The following MBNL2 variants were observed in gnomAD, a reference collection of about 807,000 sequenced individuals.
MBNL2 encodes muscleblind-like protein 2.
In MBNL2, 17 loss-of-function variants were observed where a neutral mutation model predicts 41.9. The ratio of observed to expected loss-of-function variants is 0.41; its 90% CI spans 0.28 to 0.61. MBNL2 has a LOEUF of 0.61. Ranked by LOEUF, MBNL2 falls within the 20% of genes least tolerant of loss-of-function variation. The pLI is 0.35. For missense variants in MBNL2, 336 were observed against 505.6 expected (o/e 0.66, Z 3.22); for synonymous variants, 195 against 182.9 (o/e 1.07, Z -0.53).
chr13:97,237,107 T>C (rs2043420711), intron 1 of MBNL2, among the ~76,000 whole-genome samples: 2 of 152,228 alleles, frequency 1.3e-5, no homozygotes, highest in Non-Finnish European at 2.9e-5. Flanking sequence ...ATGGCAGGAA[T>C]GCAGTTTGTG....
At chr13:97,205,182 T>TA in the MBNL2 span, among the ~76,000 whole-genome samples, 2 of 133,184 alleles carry the variant, frequency 1.5e-5, no homozygotes, top group African/African-American at 5.7e-5. Flanking sequence ...AAAAAAAAAA[T>TA]TATATATATA....
the MBNL2 span, chr13:97,172,444 C>T: frequency 2.6e-5 from 4 of 152,098 alleles, no homozygotes; most frequent in African/African-American, 7.2e-5. Flanking sequence ...GGAAGAGCAC[C>T]CATAAATCCA....
intron 2 of MBNL2, among the ~76,000 whole-genome samples, chr13:97,280,510 T>A (rs2053157055): frequency 1.3e-5 from 2 of 152,188 alleles, no homozygotes; most frequent in Admixed American, 1.3e-4. Flanking sequence ...TAATAAAAAT[T>A]CATTTCAAGT....
chr13:97,273,886 C>A (rs545815536), intron 1 of MBNL2, among the ~76,000 whole-genome samples: 120 of 152,098 alleles, frequency 7.9e-4, no homozygotes, highest in African/African-American at 2.7e-3. Context: ...GATGGTGAAA[C>A]CCCACCTCTA....
At chr13:97,273,885 A>AC (rs1469309444) in intron 1 of MBNL2, among the ~76,000 whole-genome samples, 4 of 151,914 alleles carry the variant, frequency 2.6e-5, no homozygotes, top group Non-Finnish European at 4.4e-5. Flanking sequence ...AGATGGTGAA[A>AC]CCCCACCTCT....
chr13:97,310,652 A>G (rs1295011815), intron 2 of MBNL2, among the ~76,000 whole-genome samples: 1 of 151,846 alleles, frequency 6.6e-6, no homozygotes, highest in Non-Finnish European at 1.5e-5. Flanking sequence ...GATGGCCTCC[A>G]TCTCCTGACC....
rs138102489 is a variant in MBNL2 at position 97,330,661 on chromosome 13, G to A, written c.175-3615G>A. Among the ~76,000 whole-genome samples the A allele has an allele frequency of 2.0e-5, 3 of 152,302 alleles. No individual in the cohort carries two copies. In the East Asian group the frequency reaches 5.8e-4, roughly 29 times the overall value. Reference sequence around the variant, plus strand: ...GCTTTACGCTTCTGCACACTGCCCTGTACCATTTGGCTATGACAAGTTGCT... The same window carrying A: ...GCTTTACGCTTCTGCACACTGCCCTATACCATTTGGCTATGACAAGTTGCT... On this transcript the variant is annotated intron_variant, in intron 2 of 8. Transcript: ENST00000679496.
upstream of MBNL2, among the ~76,000 whole-genome samples, chr13:97,217,499 T>C (rs1202607673): frequency 6.6e-6 from 1 of 152,170 alleles, no homozygotes; most frequent in African/African-American, 2.4e-5. Context: ...GAGGAGGTGA[T>C]GTGTACATTG....
intron 2 of MBNL2, among the ~76,000 whole-genome samples, chr13:97,304,966 T>C (rs900764546): frequency 3.9e-5 from 6 of 152,192 alleles, no homozygotes; most frequent in Non-Finnish European, 8.8e-5. Flanking sequence ...ATATTGACCT[T>C]CTACATGAGG....
At chr13:97,203,359 G>T in the MBNL2 span, among the ~76,000 whole-genome samples, 2 of 152,062 alleles carry the variant, frequency 1.3e-5, no homozygotes, top group Non-Finnish European at 2.9e-5. Context: ...GAATAGAGGC[G>T]CAAGTCTTTA....
intron 2 of MBNL2, among the ~76,000 whole-genome samples, chr13:97,290,040 C>T (rs2055499773): frequency 6.6e-6 from 1 of 152,164 alleles, no homozygotes; most frequent in Non-Finnish European, 1.5e-5. Flanking sequence ...ATTTTCTCTG[C>T]ATTACTTCCA....
chr13:97,304,546 T>G (rs2057941867), intron 2 of MBNL2, among the ~76,000 whole-genome samples: 1 of 152,202 alleles, frequency 6.6e-6, no homozygotes, highest in African/African-American at 2.4e-5. Context: ...AAGTGAAGGA[T>G]TTCATAGTGG....
At chr13:97,340,223 G>A (rs559121697) in intron 3 of MBNL2, among the ~76,000 whole-genome samples, 3 of 152,224 alleles carry the variant, frequency 2.0e-5, no homozygotes, top group South Asian at 2.1e-4. Context: ...GCAAATCACC[G>A]TAACTGTATT....
chr13:97,349,096 T>G (rs1212049218), intron 5 of MBNL2, among the ~76,000 whole-genome samples: 1 of 152,236 alleles, frequency 6.6e-6, no homozygotes, highest in Admixed American at 6.5e-5. Context: ...CCCTTTAGTG[T>G]CCTTTCCTCT....
At position 97,360,464 on chromosome 13, in the gene MBNL2, T is replaced by G. The variant is rs1414141948; in HGVS notation, c.1012+2829T>G. On this transcript the variant is annotated intron_variant, in intron 7 of 8. Coordinates refer to ENST00000679496, the MANE Select transcript of MBNL2 (RefSeq NM_001382683.1). ...TTATTTTAACCAAGTAGTTAGACTT[T>G]TTCTTTTCTATGTTAGGAAAGTGGC... Among the ~76,000 whole-genome samples, 3 of 152,332 alleles carry G rather than the reference T, an allele frequency of 2.0e-5. No homozygotes were observed. The East Asian group carries it at 5.8e-4, about 29-fold the overall frequency.
In MBNL2 at chr13:97,347,074, G is replaced by A; in HGVS notation, c.804+7G>A. ...GGCCGCGGCCACAGTCATGGTAAGTGCGGCCGCCCGCCGCCCCTGCACCCC... is the reference window on the plus strand; with the variant it reads ...GGCCGCGGCCACAGTCATGGTAAGTACGGCCGCCCGCCGCCCCTGCACCCC... On this transcript the variant is annotated splice_region_variant and intron_variant, in intron 5 of 8. Coordinates refer to ENST00000679496, the MANE Select transcript of MBNL2 (RefSeq NM_001382683.1). The A allele has an allele frequency of 6.5e-7, 1 of 1,539,218 alleles. No individual in the cohort carries two copies. The highest frequency in any genetic ancestry group is 2.0e-5 in the Admixed American group (1 of 49,734).
chr13:97,327,348 C>T (rs1461380607), intron 2 of MBNL2, among the ~76,000 whole-genome samples: 1 of 151,946 alleles, frequency 6.6e-6, no homozygotes, highest in Non-Finnish European at 1.5e-5. Context: ...TTTACTGTAA[C>T]TGTTGTTTCA....
At chr13:97,196,731 G>A in the MBNL2 span, among the ~76,000 whole-genome samples, 1 of 152,164 alleles carries the variant, frequency 6.6e-6, no homozygotes, top group Non-Finnish European at 1.5e-5. Context: ...GCACAGAAAG[G>A]TGGTGTGAAG....
At chr13:97,228,889 A>G (rs2042021455) in intron 1 of MBNL2, among the ~76,000 whole-genome samples, 1 of 151,882 alleles carries the variant, frequency 6.6e-6, no homozygotes, top group Non-Finnish European at 1.5e-5. Flanking sequence ...TGAAAACTCA[A>G]ATTGAGTAAG....
Sources: allele counts gnomAD v4.1 joint callset (sites outside exome capture counted in the v4.1 genomes callset), GRCh38; gene constraint gnomAD v4.1.1; transcripts MANE v1.5; gene names NCBI Gene and HGNC (gene_info 2026-07-23, HGNC 2026-07-21).